The following ACTR3C variants were observed in gnomAD, a reference collection of about 807,000 sequenced individuals.
ACTR3C encodes the protein actin related protein 3C, also known as actin-related protein 3C.
A neutral mutation model predicts 26.3 loss-of-function variants in ACTR3C; 18 were observed. The ratio of observed to expected loss-of-function variants is 0.68; its 90% confidence interval spans 0.47 to 1.01. ACTR3C has a LOEUF of 1.01. Ranked by LOEUF, ACTR3C falls within the 50% of genes least tolerant of loss-of-function variation. The probability of loss-of-function intolerance (pLI) is 0.00; values close to 1 mark genes in which losing one functional copy is unlikely to be tolerated. For missense variants in ACTR3C, 184 were observed against 250.7 expected, an observed-to-expected ratio of 0.73 and a Z score of 1.80; for synonymous variants, 55 against 94.5, an observed-to-expected ratio of 0.58 and a Z score of 2.42.
At chr7:150,306,286 G>T (rs902249110) in intron 1 of ACTR3C, among the ~76,000 whole-genome samples, 1 of 151,864 alleles carries the variant, frequency 6.6e-6, no homozygotes, top group Non-Finnish European at 1.5e-5. Context: ...CCTGTGAGCT[G>T]TGTGGTGGTC....
chr7:150,094,819 A>G, the ACTR3C span, among the ~76,000 whole-genome samples: 1 of 150,804 alleles, frequency 6.6e-6, no homozygotes, highest in Non-Finnish European at 1.5e-5. Context: ...ATAGCCGCCA[A>G]CACTCTGGGA....
chr7:149,884,053 G>T, the ACTR3C span, among the ~76,000 whole-genome samples: 2 of 152,206 alleles, frequency 1.3e-5, no homozygotes. Flanking sequence ...CCCTGCAGAA[G>T]CCCTCAAAGA....
intron 4 of ACTR3C, 126 bp from the exon 5 acceptor site, chr7:150,286,666 C>G (rs1835802720): frequency 7.8e-7 from 1 of 1,276,750 alleles, no homozygotes; most frequent in Non-Finnish European, 1.1e-6. Context: ...CACCGTTACT[C>G]TAGTGTGGAT....
At chr7:150,128,077 A>T in the ACTR3C span, among the ~76,000 whole-genome samples, 1 of 142,580 alleles carries the variant, frequency 7.0e-6, no homozygotes, top group Admixed American at 6.9e-5. Flanking sequence ...AAAAGTTGCA[A>T]TTTACTAAGT....
chr7:150,315,916 G>A (rs1244386355), intron 1 of ACTR3C, among the ~76,000 whole-genome samples: 1 of 151,910 alleles, frequency 6.6e-6, no homozygotes, highest in African/African-American at 2.4e-5. Flanking sequence ...CGAATGCATA[G>A]GCCGGCCGCG....
the ACTR3C span, among the ~76,000 whole-genome samples, chr7:150,006,345 C>T: frequency 4.2e-4 from 64 of 150,918 alleles, no homozygotes; most frequent in African/African-American, 5.8e-4. Flanking sequence ...TACAGGCACC[C>T]GCCACCACGC....
chr7:150,085,627 A>G, the ACTR3C span, among the ~76,000 whole-genome samples: 1 of 152,202 alleles, frequency 6.6e-6, no homozygotes, highest in Admixed American at 6.5e-5. Flanking sequence ...ATGGGAAAAC[A>G]GTTTCTCCAG....
chr7:149,952,254 C>T, the ACTR3C span, among the ~76,000 whole-genome samples: 2 of 146,510 alleles, frequency 1.4e-5, no homozygotes, highest in Admixed American at 1.3e-4. Context: ...GTATGATGCT[C>T]AACTTTGCCA....
chr7:150,093,977 A>G, the ACTR3C span, among the ~76,000 whole-genome samples: 4 of 150,564 alleles, frequency 2.7e-5, no homozygotes, highest in African/African-American at 1.0e-4. Context: ...TATGATGCAA[A>G]TACAACCATA....
chr7:150,169,193 A>G, the ACTR3C span, among the ~76,000 whole-genome samples: 241 of 150,120 alleles, frequency 1.6e-3, 8 homozygotes, highest in Admixed American at 0.013. Context: ...CATCCTGGCT[A>G]ACATGGTGAA....
the ACTR3C span, among the ~76,000 whole-genome samples, chr7:149,921,570 G>C: frequency 6.6e-5 from 10 of 152,110 alleles, no homozygotes; most frequent in Non-Finnish European, 2.9e-5. Context: ...TAAGAGCAAA[G>C]TGGCTTTATC....
At chr7:150,219,373 TCGC>T in the ACTR3C span, among the ~76,000 whole-genome samples, 2 of 148,030 alleles carry the variant, frequency 1.4e-5, no homozygotes, top group Non-Finnish European at 2.9e-5. Context: ...TCCACAGTGC[TCGC>T]CTTTTTTCGG....
chr7:150,211,673 CA>C, the ACTR3C span, among the ~76,000 whole-genome samples: 1 of 150,252 alleles, frequency 6.7e-6, no homozygotes, highest in South Asian at 2.1e-4. Context: ...CACAGGTGAA[CA>C]AAGGCCCAGA....
chr7:150,072,818 G>A, the ACTR3C span, among the ~76,000 whole-genome samples: 1 of 152,128 alleles, frequency 6.6e-6, no homozygotes, highest in African/African-American at 2.4e-5. Flanking sequence ...GAGCTCCTAA[G>A]AGGAGGAGGT....
chr7:149,903,120 A>C, the ACTR3C span, among the ~76,000 whole-genome samples: 1 of 124,312 alleles, frequency 8.0e-6, no homozygotes, highest in Non-Finnish European at 1.8e-5. Context: ...GCATCTCCAC[A>C]AAAACCTACA....
chr7:150,084,432 A>G, the ACTR3C span, among the ~76,000 whole-genome samples: 1 of 152,110 alleles, frequency 6.6e-6, no homozygotes, highest in East Asian at 1.9e-4. Flanking sequence ...ATACGTGTTG[A>G]GAAGAAGATA....
At chr7:150,044,904 GGACTGAAAAGGCAA>G in the ACTR3C span, 1 of 152,218 alleles carries the variant, frequency 6.6e-6, no homozygotes, top group Non-Finnish European at 1.5e-5. Flanking sequence ...CTTGGGATCA[GGACTGAAAAGGCAA>G]GAGTGATGGA....
At chr7:150,235,892 T>C in the ACTR3C span, among the ~76,000 whole-genome samples, 2 of 152,118 alleles carry the variant, frequency 1.3e-5, no homozygotes, top group African/African-American at 2.4e-5. Context: ...TTTCTGATAG[T>C]AAAATTTTAA....
At chr7:150,002,546 T>C in the ACTR3C span, 1 of 152,190 alleles carries the variant, frequency 6.6e-6, no homozygotes, top group Non-Finnish European at 1.5e-5. Flanking sequence ...TTTCAATCAA[T>C]GTTTATGAAT....
Sources: gnomAD v4.1 joint callset for allele counts (sites outside exome capture counted in the v4.1 genomes callset) on GRCh38, gnomAD v4.1.1 for gene constraint, MANE v1.5 for transcripts, NCBI Gene and HGNC (gene_info 2026-07-23, HGNC 2026-07-21) for gene names.